SLC39A8: variants seen among roughly 807,000 people sequenced by gnomAD.
The protein encoded by SLC39A8 is solute carrier family 39 member 8, also known as metal cation symporter ZIP8.
SLC39A8 carries 15 observed loss-of-function variants against 40.4 expected under a neutral mutation model. The ratio of observed to expected loss-of-function variants is 0.37; its 90% CI spans 0.25 to 0.57. SLC39A8 has a LOEUF of 0.57. Ranked by LOEUF, SLC39A8 falls within the 20% of genes least tolerant of loss-of-function variation. The pLI is 0.75. For missense variants in SLC39A8, 472 were observed against 558.8 expected (o/e 0.84, Z 1.57); for synonymous variants, 223 against 221.6 (o/e 1.01, Z -0.06).
intron 2 of SLC39A8, among the ~76,000 whole-genome samples, chr4:102,320,791 T>A (rs68103113): frequency 0.19 from 25,787 of 134,676 alleles, 2,682 homozygotes; most frequent in Non-Finnish European, 0.21. Flanking sequence ...TGAGAAAAAA[T>A]ATATATATAT....
rs759968604 is a variant in SLC39A8 at position 102,307,537 on chromosome 4, G to C, written c.451C>G (p.Pro151Ala). 1 of 1,613,424 alleles carries C rather than the reference G, an allele frequency of 6.2e-7. No homozygotes were observed. Among genetic ancestry groups the C allele is most frequent in the South Asian group, 1.1e-5 (1 of 91,064 alleles). ...LASLLGLILT[P>A]LIKKSYFPKI... ...GGGAAATAAGATTTCTTTATCAGTGGAGTCAAAATCAATCCGAGGAGAGAT... is the reference window on the plus strand; with the variant it reads ...GGGAAATAAGATTTCTTTATCAGTGCAGTCAAAATCAATCCGAGGAGAGAT... Residue 151 changes from proline (P) to alanine (A), a missense_variant, in exon 4 of 9, where the codon CCA becomes GCA. Pro to Ala is a conservative substitution (Grantham distance 27). Transcript: ENST00000356736.
intron 6 of SLC39A8, among the ~76,000 whole-genome samples, chr4:102,279,988 A>C (rs1403540517): frequency 6.6e-6 from 1 of 152,170 alleles, no homozygotes; most frequent in Non-Finnish European, 1.5e-5. Flanking sequence ...GCACTCTATC[A>C]AAGGCCCTCA....
chr4:102,311,285 C>A (rs534020931), intron 3 of SLC39A8, among the ~76,000 whole-genome samples: 1 of 152,220 alleles, frequency 6.6e-6, no homozygotes, highest in South Asian at 2.1e-4. Flanking sequence ...CCAGTTAATG[C>A]TGTCCCTGGA....
intron 6 of SLC39A8, among the ~76,000 whole-genome samples, chr4:102,286,428 G>A (rs937416499): frequency 2.6e-5 from 4 of 152,060 alleles, no homozygotes; most frequent in African/African-American, 9.7e-5. Flanking sequence ...CTTCTAAATA[G>A]GGATAAGTCC....
chr4:102,285,607 CAAAT>C (rs1203304228), intron 6 of SLC39A8, among the ~76,000 whole-genome samples: 5 of 146,916 alleles, frequency 3.4e-5, no homozygotes, highest in African/African-American at 2.5e-5. Context: ...ATTGTAGAGA[CAAAT>C]AAATATTATA....
chr4:102,259,577 G>A, downstream of SLC39A8: 1 of 1,263,582 alleles, frequency 7.9e-7, no homozygotes, highest in Non-Finnish European at 1.1e-6. Context: ...AATCAGTGAT[G>A]TGCTCAAACT....
chr4:102,316,604 C>G (rs1355487273), intron 2 of SLC39A8, among the ~76,000 whole-genome samples: 1 of 152,130 alleles, frequency 6.6e-6, no homozygotes, highest in Non-Finnish European at 1.5e-5. Context: ...AAAATAAATG[C>G]TACTGAATGT....
chr4:102,327,991 T>A (rs778864518), intron 2 of SLC39A8, among the ~76,000 whole-genome samples: 5 of 152,188 alleles, frequency 3.3e-5, no homozygotes, highest in Non-Finnish European at 5.9e-5. Flanking sequence ...TGTTTCTAAG[T>A]TGCCGTAAAG....
At chr4:102,343,868 T>C (rs1736040830) in intron 2 of SLC39A8, among the ~76,000 whole-genome samples, 1 of 152,196 alleles carries the variant, frequency 6.6e-6, no homozygotes, top group African/African-American at 2.4e-5. Flanking sequence ...ACTAACAATA[T>C]AAGCCTAGTC....
At chr4:102,259,822 TA>T (rs1731799425), downstream of SLC39A8, among the ~76,000 whole-genome samples, 1 of 152,228 alleles carries the variant, frequency 6.6e-6, no homozygotes, top group African/African-American at 2.4e-5. Flanking sequence ...AGTGGTTTTT[TA>T]AATTTACTTT....
At chr4:102,319,337 T>G (rs1229979016) in intron 2 of SLC39A8, among the ~76,000 whole-genome samples, 1 of 152,188 alleles carries the variant, frequency 6.6e-6, no homozygotes, top group Non-Finnish European at 1.5e-5. Flanking sequence ...CTGGTTATAA[T>G]AAATGCTGAA....
At chr4:102,320,301 T>C (rs1302381568) in intron 2 of SLC39A8, among the ~76,000 whole-genome samples, 1 of 107,740 alleles carries the variant, frequency 9.3e-6, no homozygotes, top group African/African-American at 3.8e-5. Flanking sequence ...TATGAGAATA[T>C]ATATATGAGT....
At chr4:102,304,566 T>G in intron 5 of SLC39A8, 85 bp from the exon 6 acceptor site, 1 of 1,115,212 alleles carries the variant, frequency 9.0e-7, no homozygotes, top group Non-Finnish European at 1.3e-6. Flanking sequence ...CTGCTTTTTA[T>G]TTATAAGAGG....
chr4:102,255,930 A>T (rs1731699078), intron 11 of SLC39A8, among the ~76,000 whole-genome samples: 1 of 152,154 alleles, frequency 6.6e-6, no homozygotes, highest in South Asian at 2.1e-4. Context: ...GCTTTTTCTC[A>T]CGTGCATCCT....
At chr4:102,338,614 A>G (rs1002626483) in intron 2 of SLC39A8, among the ~76,000 whole-genome samples, 1 of 152,218 alleles carries the variant, frequency 6.6e-6, no homozygotes, top group Non-Finnish European at 1.5e-5. Flanking sequence ...GTCGATGACT[A>G]GTAACTTCTC....
intron 2 of SLC39A8, among the ~76,000 whole-genome samples, chr4:102,338,029 C>T (rs1454671652): frequency 6.6e-6 from 1 of 152,034 alleles, no homozygotes. Context: ...CATTTCCAAC[C>T]CCAAAAAATC....
At chr4:102,317,542 G>T (rs915595638) in intron 2 of SLC39A8, among the ~76,000 whole-genome samples, 1 of 152,078 alleles carries the variant, frequency 6.6e-6, no homozygotes, top group Non-Finnish European at 1.5e-5. Context: ...GATTTAATTG[G>T]GGAAGGGAAA....
At chr4:102,324,808 C>T (rs565647161) in intron 2 of SLC39A8, among the ~76,000 whole-genome samples, 1 of 152,246 alleles carries the variant, frequency 6.6e-6, no homozygotes, top group African/African-American at 2.4e-5. Context: ...GAAATACATA[C>T]ATTTAAAATG....
In SLC39A8 at chr4:102,316,095, T is replaced by C. The variant is rs113152461; in HGVS notation, c.220-265A>G. ...AAATAAATAAGAATTGGTTTGGGCA[T>C]ATCTAAGGACTTTATTTAAAATAGG... On this transcript the variant is annotated intron_variant, in intron 2 of 8. Transcript: ENST00000356736. Among the ~76,000 whole-genome samples the C allele has an allele frequency of 7.9e-5, 12 of 152,260 alleles. 1 individual carries two copies. Among genetic ancestry groups the C allele is most frequent in the African/African-American group, 2.9e-4 (12 of 41,580 alleles).
Sources: allele counts gnomAD v4.1 joint callset (sites outside exome capture counted in the v4.1 genomes callset), GRCh38; gene constraint gnomAD v4.1.1; transcripts MANE v1.5; gene names NCBI Gene and HGNC (gene_info 2026-07-23, HGNC 2026-07-21).